EPS15: variants seen among roughly 807,000 people sequenced by gnomAD.
EPS15 encodes the protein epidermal growth factor receptor substrate 15.
EPS15 carries 72 observed loss-of-function variants against 113.8 expected under a neutral mutation model. That is an observed-to-expected ratio of 0.63 (90% CI 0.52 to 0.77). The LOEUF (loss-of-function observed/expected upper bound fraction) is 0.77, where lower values mean the gene tolerates loss of function less well. Ranked by LOEUF, EPS15 falls within the 30% of genes least tolerant of loss-of-function variation. The pLI is 0.00. For synonymous variants in EPS15, 344 were observed against 363.4 expected (o/e 0.95, Z 0.61); for missense variants, 1,048 against 1,045.8 (o/e 1.00, Z -0.03).
intron 1 of EPS15, among the ~76,000 whole-genome samples, chr1:51,492,498 T>G (rs1217842554): frequency 1.3e-5 from 2 of 152,142 alleles, no homozygotes; most frequent in Non-Finnish European, 2.9e-5. Context: ...TTCAAAGAGA[T>G]AGTACAGAAA....
At chr1:51,497,935 C>T (rs567551939) in intron 1 of EPS15, among the ~76,000 whole-genome samples, 1 of 151,102 alleles carries the variant, frequency 6.6e-6, no homozygotes, top group African/African-American at 2.4e-5. Flanking sequence ...CGAGATTGTG[C>T]CACTGCACTC....
chr1:51,472,300 A>G (rs1655299308), intron 3 of EPS15, among the ~76,000 whole-genome samples: 1 of 152,242 alleles, frequency 6.6e-6, no homozygotes, highest in African/African-American at 2.4e-5. Context: ...ACTAGAATGT[A>G]CATACTATTC....
intron 8 of EPS15, among the ~76,000 whole-genome samples, 196 bp from the exon 9 acceptor site, chr1:51,448,331 T>A (rs1302548779): frequency 3.3e-5 from 5 of 150,970 alleles, no homozygotes; most frequent in Non-Finnish European, 5.9e-5. Flanking sequence ...AACTAAGAAA[T>A]TTTTAGGAAG....
intron 21 of EPS15, among the ~76,000 whole-genome samples, chr1:51,370,937 A>G (rs1643505658): frequency 6.6e-6 from 1 of 150,584 alleles, no homozygotes; most frequent in Non-Finnish European, 1.5e-5. Context: ...TTTTTTTGAG[A>G]TGGAATCTTG....
At chr1:51,397,254 C>A (rs1210240548) in intron 20 of EPS15, 1 of 152,140 alleles carries the variant, frequency 6.6e-6, no homozygotes, top group Non-Finnish European at 1.5e-5. Flanking sequence ...GAGCTTGGCA[C>A]CATCCCTGGC....
intron 13 of EPS15, among the ~76,000 whole-genome samples, chr1:51,416,647 A>C (rs1650248744): frequency 6.6e-6 from 1 of 152,182 alleles, no homozygotes; most frequent in Non-Finnish European, 1.5e-5. Flanking sequence ...AATAAAATTT[A>C]AACAAATACC....
chr1:51,519,208 A>G lies in EPS15; in HGVS notation c.24T>C (p.Ser8=). 7.2e-7 allele frequency: 1 copy of G among 1,396,162 alleles called. No individual in the cohort carries two copies. Among genetic ancestry groups the G allele is most frequent in the Non-Finnish European group, 9.4e-7 (1 of 1,059,878 alleles). The allele number at this position is 1,396,162 out of a possible 1,614,324, so 86.5% of individuals were successfully genotyped here. MAAAAQL[S]LTQLSSGNPV... ...GGGCGTGTGGCGTTACCTGTGTCAGAGAGAGCTGGGCCGCCGCAGCCATGG... is the reference window on the plus strand; with the variant it reads ...GGGCGTGTGGCGTTACCTGTGTCAGGGAGAGCTGGGCCGCCGCAGCCATGG... Residue 8 remains serine, a synonymous_variant, in exon 1 of 25, where the codon TCT becomes TCC. Coordinates refer to ENST00000371733, the MANE Select transcript of EPS15 (RefSeq NM_001981.3).
chr1:51,369,843 C>T (rs1456789646), intron 21 of EPS15, among the ~76,000 whole-genome samples: 1 of 152,166 alleles, frequency 6.6e-6, no homozygotes, highest in Non-Finnish European at 1.5e-5. Context: ...TTGTTCACAG[C>T]TGTATCCTCA....
At chr1:51,508,223 G>GAAAAGAAAAGAAAAGAA in intron 1 of EPS15, among the ~76,000 whole-genome samples, 1 of 78,528 alleles carries the variant, frequency 1.3e-5, no homozygotes, top group African/African-American at 4.7e-5. Context: ...GAAAAGAAAA[G>GAAAAGAAAAGAAAAGAA]AAAAGAAAAG....
Position 51,354,390 on chromosome 1 carries a change from G to A in EPS15, c.*2310C>T. On this transcript the variant is annotated 3_prime_UTR_variant, in exon 25 of 25. Coordinates refer to ENST00000371733, the MANE Select transcript of EPS15 (RefSeq NM_001981.3). ...AGCATGGACATAATCAGAGAACCATGCAAAACTCAATTGCAAATTGGATAT... is the reference window on the plus strand; with the variant it reads ...AGCATGGACATAATCAGAGAACCATACAAAACTCAATTGCAAATTGGATAT... 1 of 180,352 alleles carries A rather than the reference G, an allele frequency of 5.5e-6. No individual in the cohort carries two copies. The highest frequency in any genetic ancestry group is 9.1e-5 in the East Asian group (1 of 10,974). 11.2% of individuals were successfully genotyped at this position (180,352 alleles called of 1,614,324 possible). A position where few individuals can be genotyped will look rare whatever the true frequency, so the allele number is the denominator to read the frequency against.
At chr1:51,380,433 G>A (rs1646915415) in intron 21 of EPS15, among the ~76,000 whole-genome samples, 1 of 152,222 alleles carries the variant, frequency 6.6e-6, no homozygotes, top group South Asian at 2.1e-4. Flanking sequence ...AAAGTGGGGA[G>A]TGGAGCTGTA....
chr1:51,365,207 C>CA (rs1646481901), intron 22 of EPS15, among the ~76,000 whole-genome samples: 1 of 152,220 alleles, frequency 6.6e-6, no homozygotes, highest in Admixed American at 6.5e-5. Context: ...TATAATGAAT[C>CA]AGACTTCACA....
chr1:51,455,636 TTA>T (rs1461793558), intron 8 of EPS15, among the ~76,000 whole-genome samples: 5 of 151,988 alleles, frequency 3.3e-5, no homozygotes, highest in Non-Finnish European at 7.4e-5. Context: ...AAATGTCGCC[TTA>T]ATGCTCCATC....
chr1:51,426,890 CATAT>C (rs1222099162), intron 12 of EPS15, among the ~76,000 whole-genome samples: 1 of 151,090 alleles, frequency 6.6e-6, no homozygotes, highest in South Asian at 2.1e-4. Context: ...TATACACACA[CATAT>C]ATATACATAT....
At chr1:51,475,607 A>C (rs527800928) in intron 2 of EPS15, among the ~76,000 whole-genome samples, 23 of 152,132 alleles carry the variant, frequency 1.5e-4, no homozygotes, top group Non-Finnish European at 3.1e-4. Context: ...AGATTGTAAA[A>C]ATTTTCTCCC....
At chr1:51,388,126 G>A (rs1647141280) in intron 21 of EPS15, among the ~76,000 whole-genome samples, 1 of 152,164 alleles carries the variant, frequency 6.6e-6, no homozygotes, top group African/African-American at 2.4e-5. Flanking sequence ...CTGTCTCTCA[G>A]ACCACAGTGC....
At chr1:51,489,917 T>C (rs1227522830) in intron 1 of EPS15, among the ~76,000 whole-genome samples, 1 of 152,206 alleles carries the variant, frequency 6.6e-6, no homozygotes, top group Non-Finnish European at 1.5e-5. Context: ...AGCAGAACCA[T>C]AGCTGATTCC....
chr1:51,434,526 T>C (rs566868583), intron 12 of EPS15, among the ~76,000 whole-genome samples: 3 of 152,118 alleles, frequency 2.0e-5, no homozygotes, highest in Admixed American at 6.5e-5. Context: ...TATAATAGAA[T>C]GGTGGCTGCT....
intron 23 of EPS15, among the ~76,000 whole-genome samples, chr1:51,363,151 A>G (rs927689166): frequency 1.2e-4 from 18 of 152,016 alleles, no homozygotes; most frequent in African/African-American, 4.1e-4. Flanking sequence ...TACAAAAATT[A>G]GCCAGGCATG....
Sources: allele counts gnomAD v4.1 joint callset (sites outside exome capture counted in the v4.1 genomes callset), GRCh38; gene constraint gnomAD v4.1.1; transcripts MANE v1.5; gene names NCBI Gene and HGNC (gene_info 2026-07-23, HGNC 2026-07-21).